Variants in ATRNL1 observed in about 807,000 individuals in gnomAD.
ATRNL1 encodes the protein attractin-like protein 1.
A neutral mutation model predicts 182.7 loss-of-function variants in ATRNL1; 95 were observed. The ratio of observed to expected loss-of-function variants is 0.52; its 90% CI spans 0.44 to 0.62. ATRNL1 has a LOEUF of 0.62. Ranked by LOEUF, ATRNL1 falls within the 20% of genes least tolerant of loss-of-function variation. The probability of loss-of-function intolerance (pLI) is 0.00; values close to 1 mark genes in which losing one functional copy is unlikely to be tolerated. For synonymous variants in ATRNL1, 576 were observed against 568.3 expected, an observed-to-expected ratio of 1.01 and a Z score of -0.19; for missense variants, 1,471 against 1,679.5, an observed-to-expected ratio of 0.88 and a Z score of 2.17.
chr10:115,127,722 G>A lies in ATRNL1; in HGVS notation c.620+1G>A, dbSNP rs372430190. On this transcript the variant is annotated splice_donor_variant, in intron 4 of 28. Coordinates refer to ENST00000355044, the MANE Select transcript of ATRNL1 (RefSeq NM_207303.4). LOFTEE classifies it high-confidence loss of function. ...TAACTGGTTTCAACATTTTCTATTC[G>A]TAAGTATTTTTTAAAAATTCCTTCT... 8 of 1,415,374 alleles carry A rather than the reference G, an allele frequency of 5.7e-6. No homozygotes were observed. The highest frequency in any genetic ancestry group is 7.4e-6 in the Non-Finnish European group (8 of 1,076,552). The allele number at this position is 1,415,374 out of a possible 1,614,324, so 87.7% of individuals were successfully genotyped here.
chr10:115,675,558 T>G (rs1945834092), intron 26 of ATRNL1, among the ~76,000 whole-genome samples: 1 of 152,120 alleles, frequency 6.6e-6, no homozygotes, highest in South Asian at 2.1e-4. Flanking sequence ...GTAATGAAGT[T>G]CCTTTTAACA....
intron 25 of ATRNL1, among the ~76,000 whole-genome samples, chr10:115,534,552 C>G (rs552937388): frequency 3.3e-5 from 5 of 152,244 alleles, no homozygotes; most frequent in Non-Finnish European, 4.4e-5. Context: ...GGTCTTGACT[C>G]TTTATCCAGT....
chr10:115,118,024 C>A (rs1844567297), intron 1 of ATRNL1, among the ~76,000 whole-genome samples: 1 of 152,004 alleles, frequency 6.6e-6, no homozygotes, highest in African/African-American at 2.4e-5. Context: ...CTGTTCAAAC[C>A]TTTAGCCCAT....
chr10:115,660,602 C>T (rs1280306824), intron 26 of ATRNL1, among the ~76,000 whole-genome samples: 1 of 151,924 alleles, frequency 6.6e-6, no homozygotes, highest in Non-Finnish European at 1.5e-5. Flanking sequence ...TTCAGGATGA[C>T]ACCTAAGTAA....
At chr10:115,132,898 G>A (rs1845321251) in intron 5 of ATRNL1, among the ~76,000 whole-genome samples, 1 of 152,104 alleles carries the variant, frequency 6.6e-6, no homozygotes, top group Non-Finnish European at 1.5e-5. Flanking sequence ...TCACTCTGAT[G>A]GTAGTTTCTT....
chr10:115,542,632 C>T (rs1554992369), intron 25 of ATRNL1, among the ~76,000 whole-genome samples: 5 of 152,084 alleles, frequency 3.3e-5, no homozygotes, highest in Non-Finnish European at 7.4e-5. Flanking sequence ...TAGCTAGGAC[C>T]CTGATCAGAC....
At chr10:115,140,455 G>T (rs1592156053) in intron 5 of ATRNL1, among the ~76,000 whole-genome samples, 2 of 152,196 alleles carry the variant, frequency 1.3e-5, no homozygotes, top group Non-Finnish European at 1.5e-5. Context: ...TGGACTAGAT[G>T]TAGGGGTAGA....
intron 15 of ATRNL1, among the ~76,000 whole-genome samples, chr10:115,299,087 A>T (rs868970653): frequency 2.0e-5 from 3 of 150,794 alleles, no homozygotes; most frequent in Admixed American, 6.6e-5. Context: ...CATAATGTTT[A>T]AAAAAAAAGA....
At chr10:115,598,883 A>G (rs1555015066) in intron 26 of ATRNL1, among the ~76,000 whole-genome samples, 2 of 151,320 alleles carry the variant, frequency 1.3e-5, no homozygotes, top group Admixed American at 6.6e-5. Flanking sequence ...GTTAGAAAAG[A>G]GAGGAGTATT....
At chr10:115,220,955 A>T (rs1233199146) in intron 9 of ATRNL1, among the ~76,000 whole-genome samples, 3 of 151,952 alleles carry the variant, frequency 2.0e-5, no homozygotes, top group Non-Finnish European at 4.4e-5. Context: ...GTGCACTCAA[A>T]CCTCTCTGCT....
At chr10:115,180,736 G>T (rs1181209777) in intron 8 of ATRNL1, among the ~76,000 whole-genome samples, 1 of 151,832 alleles carries the variant, frequency 6.6e-6, no homozygotes, top group Non-Finnish European at 1.5e-5. Context: ...TTTATGTCTT[G>T]CCAAATTGTA....
chr10:115,355,556 G>A (rs1554942583), intron 19 of ATRNL1, among the ~76,000 whole-genome samples: 1 of 151,870 alleles, frequency 6.6e-6, no homozygotes, highest in East Asian at 1.9e-4. Context: ...CACTTTTTAT[G>A]TACATATTTG....
chr10:115,423,741 A>G (rs1161728736), intron 20 of ATRNL1, among the ~76,000 whole-genome samples: 3 of 152,146 alleles, frequency 2.0e-5, no homozygotes, highest in Non-Finnish European at 4.4e-5. Flanking sequence ...ATGAAACTAG[A>G]CCCCATCTGT....
intron 27 of ATRNL1, among the ~76,000 whole-genome samples, chr10:115,821,681 CA>C (rs1950302118): frequency 6.6e-6 from 1 of 152,106 alleles, no homozygotes; most frequent in Non-Finnish European, 1.5e-5. Context: ...TCAAAAAAGA[CA>C]AAGAAGGGCA....
At chr10:115,488,646 T>C (rs1330124367) in intron 24 of ATRNL1, among the ~76,000 whole-genome samples, 1 of 152,166 alleles carries the variant, frequency 6.6e-6, no homozygotes, top group Admixed American at 6.5e-5. Context: ...TAGCGGTCTA[T>C]GTATTTTGTG....
At chr10:115,584,028 G>T (rs1225987619) in intron 26 of ATRNL1, among the ~76,000 whole-genome samples, 23 of 152,024 alleles carry the variant, frequency 1.5e-4, no homozygotes, top group Non-Finnish European at 2.8e-4. Context: ...TTTGTCTTTG[G>T]TTCTGTTTAT....
chr10:115,606,064 T>A (rs1056218045), intron 26 of ATRNL1, among the ~76,000 whole-genome samples: 5 of 152,018 alleles, frequency 3.3e-5, no homozygotes, highest in Admixed American at 2.0e-4. Context: ...TTCCTATGTA[T>A]CAAAAGCCTA....
rs1592832447 is a variant in ATRNL1 at position 115,547,520 on chromosome 10, G to A, written c.3717-1938G>A. ...AGATTTGGAAATCATTTAAATTGAGGTCGTAGTTGAAATCAGGAAAATAAC... is the reference window on the plus strand; with the variant it reads ...AGATTTGGAAATCATTTAAATTGAGATCGTAGTTGAAATCAGGAAAATAAC... On this transcript the variant is annotated intron_variant, in intron 25 of 28. Transcript: ENST00000355044. 2.0e-5 allele frequency among the ~76,000 whole-genome samples: 3 copies of A among 151,988 alleles called. No homozygotes were observed. In the South Asian group the frequency reaches 6.2e-4, roughly 32 times the overall value.
chr10:115,796,359 C>T (rs1191471127), intron 27 of ATRNL1, among the ~76,000 whole-genome samples: 2 of 152,156 alleles, frequency 1.3e-5, no homozygotes, highest in East Asian at 3.9e-4. Context: ...AATCTGGACA[C>T]CTACCTTGCT....
Sources: gnomAD v4.1 joint callset for allele counts (sites outside exome capture counted in the v4.1 genomes callset) on GRCh38, gnomAD v4.1.1 for gene constraint, MANE v1.5 for transcripts, NCBI Gene and HGNC (gene_info 2026-07-23, HGNC 2026-07-21) for gene names.